Variants in MTUS2 observed in about 807,000 individuals in gnomAD.
MTUS2 encodes microtubule associated scaffold protein 2.
MTUS2 carries 40 observed loss-of-function variants against 114.1 expected under a neutral mutation model. The ratio of observed to expected loss-of-function variants is 0.35; its 90% CI spans 0.27 to 0.46. The LOEUF (loss-of-function observed/expected upper bound fraction) is 0.46. Ranked by LOEUF, MTUS2 falls within the 20% of genes least tolerant of loss-of-function variation. MTUS2 has a pLI of 1.00. For missense variants in MTUS2, 1,679 were observed against 1,705.4 expected, an observed-to-expected ratio of 0.98 and a Z score of 0.27; for synonymous variants, 688 against 672.0, an observed-to-expected ratio of 1.02 and a Z score of -0.37.
At chr13:29,278,911 C>T (rs1174310457) in intron 5 of MTUS2, among the ~76,000 whole-genome samples, 9 of 152,142 alleles carry the variant, frequency 5.9e-5, no homozygotes, top group African/African-American at 1.2e-4. Context: ...CTTCTCACGT[C>T]GAGCAGCCCA....
At chr13:29,318,510 A>G (rs922150305) in intron 6 of MTUS2, among the ~76,000 whole-genome samples, 1 of 151,626 alleles carries the variant, frequency 6.6e-6, no homozygotes, top group African/African-American at 2.4e-5. Flanking sequence ...GAGTAAAAAG[A>G]GTTTCCTCAT....
At chr13:28,952,261 G>T (rs191816810) in intron 2 of MTUS2, among the ~76,000 whole-genome samples, 1 of 152,208 alleles carries the variant, frequency 6.6e-6, no homozygotes. Context: ...GAGACAGTCA[G>T]TGTTAACAAC....
intron 5 of MTUS2, among the ~76,000 whole-genome samples, chr13:29,136,318 C>T (rs1378158631): frequency 6.6e-6 from 1 of 152,134 alleles, no homozygotes. Flanking sequence ...TGGTCATTGT[C>T]CCTGTTTACT....
At chr13:29,309,583 T>G (rs1048112722) in intron 6 of MTUS2, among the ~76,000 whole-genome samples, 2 of 152,138 alleles carry the variant, frequency 1.3e-5, no homozygotes, top group Non-Finnish European at 2.9e-5. Flanking sequence ...CTCCTGAACT[T>G]GAAGAACAAA....
At chr13:29,236,335 G>T (rs1450473256) in intron 5 of MTUS2, among the ~76,000 whole-genome samples, 3 of 152,120 alleles carry the variant, frequency 2.0e-5, no homozygotes, top group African/African-American at 7.2e-5. Context: ...ATTAGAGTGA[G>T]ATTTTTTTAA....
intron 5 of MTUS2, among the ~76,000 whole-genome samples, chr13:29,133,644 A>G (rs1891857114): frequency 6.6e-6 from 1 of 152,204 alleles, no homozygotes; most frequent in African/African-American, 2.4e-5. Flanking sequence ...GCACCTTGTT[A>G]AAATCATTTG....
chr13:29,482,810 C>A (rs890216470), intron 10 of MTUS2, among the ~76,000 whole-genome samples: 3 of 152,186 alleles, frequency 2.0e-5, no homozygotes, highest in African/African-American at 7.2e-5. Context: ...CAACACAAAC[C>A]CATTGGTTTG....
intron 8 of MTUS2, among the ~76,000 whole-genome samples, chr13:29,435,846 G>A (rs568924397): frequency 2.0e-5 from 3 of 152,336 alleles, no homozygotes; most frequent in South Asian, 2.1e-4. Context: ...TGGCCTCAGC[G>A]AGCCAGAGCA....
intron 2 of MTUS2, among the ~76,000 whole-genome samples, chr13:28,897,880 T>C (rs1879379726): frequency 8.0e-6 from 1 of 125,318 alleles, no homozygotes; most frequent in African/African-American, 3.1e-5. Flanking sequence ...AAGGGGAACA[T>C]CACCCACTGG....
intron 2 of MTUS2, among the ~76,000 whole-genome samples, chr13:28,977,443 C>T (rs1471417340): frequency 6.6e-6 from 1 of 152,112 alleles, no homozygotes; most frequent in African/African-American, 2.4e-5. Context: ...AAACTTACTA[C>T]CTTTTATATT....
intron 1 of MTUS2, among the ~76,000 whole-genome samples, chr13:28,833,271 T>C (rs1291713860): frequency 6.6e-6 from 1 of 152,122 alleles, no homozygotes; most frequent in Non-Finnish European, 1.5e-5. Context: ...AAGAAAAGTA[T>C]CGCTGTTATT....
chr13:29,427,984 C>A (rs1232260290), intron 8 of MTUS2, among the ~76,000 whole-genome samples: 1 of 152,146 alleles, frequency 6.6e-6, no homozygotes, highest in Non-Finnish European at 1.5e-5. Context: ...GTGTGAAAAA[C>A]TAGAAAGATC....
intron 2 of MTUS2, among the ~76,000 whole-genome samples, chr13:28,997,924 C>T (rs1885194397): frequency 6.6e-6 from 1 of 152,174 alleles, no homozygotes; most frequent in Admixed American, 6.5e-5. Context: ...AGAATTTGAT[C>T]CTGTCATTAT....
intron 5 of MTUS2, among the ~76,000 whole-genome samples, chr13:29,281,423 G>C (rs1005655482): frequency 1.3e-5 from 2 of 149,192 alleles, no homozygotes; most frequent in African/African-American, 2.5e-5. Flanking sequence ...GTATGTCTGT[G>C]TGTGTGTGTG....
intron 6 of MTUS2, among the ~76,000 whole-genome samples, chr13:29,288,077 T>C (rs1898564188): frequency 6.6e-6 from 1 of 152,188 alleles, no homozygotes; most frequent in Non-Finnish European, 1.5e-5. Flanking sequence ...GGAAAGACAG[T>C]AAATCTAGCT....
intron 2 of MTUS2, among the ~76,000 whole-genome samples, chr13:28,965,575 A>G (rs911145485): frequency 2.0e-5 from 3 of 152,320 alleles, no homozygotes; most frequent in South Asian, 2.1e-4. Context: ...TATACGCTAT[A>G]TATGTATATA....
At chr13:28,937,399 T>C (rs1239659986) in intron 2 of MTUS2, among the ~76,000 whole-genome samples, 2 of 152,122 alleles carry the variant, frequency 1.3e-5, no homozygotes, top group African/African-American at 2.4e-5. Flanking sequence ...ATTAAGGGAA[T>C]AAAAGCTGGC....
rs751461902 is a variant in MTUS2, at chr13:29,501,208, G to A, written c.3896+14G>A. On this transcript the variant is annotated intron_variant, in intron 15 of 15. Coordinates refer to ENST00000612955, the MANE Select transcript of MTUS2 (RefSeq NM_001033602.4). ...AGTTGTCACCAGGTAGGTGGGCTGG[G>A]TGTCACCTACAAAGTGACTTTCCTC... is the stretch of plus-strand genomic sequence containing the variant. 1.3e-6 allele frequency: 2 copies of A among 1,599,870 alleles called. No individual in the cohort carries two copies. Among genetic ancestry groups the A allele is most frequent in the Admixed American group, 1.7e-5 (1 of 59,906 alleles).
At chr13:29,355,274 A>G (rs1869643366) in intron 7 of MTUS2, among the ~76,000 whole-genome samples, 1 of 152,196 alleles carries the variant, frequency 6.6e-6, no homozygotes, top group Non-Finnish European at 1.5e-5. Context: ...TGTGCTGTAG[A>G]AGGTCACCAG....
Sources: gnomAD v4.1 joint callset for allele counts (sites outside exome capture counted in the v4.1 genomes callset) on GRCh38, gnomAD v4.1.1 for gene constraint, MANE v1.5 for transcripts, NCBI Gene and HGNC (gene_info 2026-07-23, HGNC 2026-07-21) for gene names.